The following SUPT6H variants were observed in gnomAD, a reference collection of about 807,000 sequenced individuals.
SUPT6H encodes the protein SPT6 homolog, histone chaperone and transcription elongation factor, also known as transcription elongation factor SPT6.
In SUPT6H, 11 loss-of-function variants were observed where a neutral mutation model predicts 222.3. The observed-to-expected ratio is 0.05, with a 90% CI of 0.03 to 0.08. SUPT6H has a LOEUF of 0.08. Ranked by LOEUF, SUPT6H falls within the 10% of genes least tolerant of loss-of-function variation. The probability of loss-of-function intolerance (pLI) is 1.00; values close to 1 mark genes in which losing one functional copy is unlikely to be tolerated. For synonymous variants in SUPT6H, 762 were observed against 801.2 expected (o/e 0.95, Z 0.83); for missense variants, 1,422 against 2,216.0 (o/e 0.64, Z 7.19).
At chr17:28,668,497 A>G (rs2030225082) in intron 1 of SUPT6H, among the ~76,000 whole-genome samples, 1 of 152,202 alleles carries the variant, frequency 6.6e-6, no homozygotes, top group South Asian at 2.1e-4. Context: ...GGCATTCCCC[A>G]GCTATAGCAT....
intron 17 of SUPT6H, 144 bp downstream of exon 17, chr17:28,683,960 C>G (rs979071218): frequency 2.1e-5 from 14 of 654,952 alleles, no homozygotes; most frequent in Non-Finnish European, 2.8e-5. Flanking sequence ...CTCAGCCTCC[C>G]GAGTACCTGG....
In SUPT6H at chr17:28,681,339, T is replaced by C; in HGVS notation, c.1433T>C (p.Met478Thr). 6.2e-7 allele frequency: 1 copy of C among 1,613,560 alleles called. No homozygotes were observed. The highest frequency in any genetic ancestry group is 8.5e-7 in the Non-Finnish European group (1 of 1,179,842). ...TATTATGGCCGAGACATCCCTAAGATGCAGAACGCCGCCAAAGCTAGCCGC... is the reference window on the plus strand; with the variant it reads ...TATTATGGCCGAGACATCCCTAAGACGCAGAACGCCGCCAAAGCTAGCCGC... Reference protein sequence around the residue: ...LLYYGRDIPKMQNAAKASRKK... With the variant: ...LLYYGRDIPKTQNAAKASRKK... The change falls in exon 12 of 37, where the codon ATG (methionine) becomes ACG (threonine). Residue 478 changes from methionine (M) to threonine (T), a missense_variant. Met to Thr is a moderately conservative substitution (Grantham distance 81). Around this residue, in one of 13 missense-constraint regions of SUPT6H, gnomAD observed 389 missense variants for 544.6 expected, o/e 0.71. Transcript: ENST00000314616.
rs1480361444 is a variant in SUPT6H, at chr17:28,683,724, A to G, written c.2137A>G (p.Ile713Val). ...QEWNRQRTMAIERALQQFLYV... is the reference protein window; with the variant it reads ...QEWNRQRTMAVERALQQFLYV... Reference sequence around the variant, plus strand: ...GTGGAACCGGCAGCGCACCATGGCCATCGAACGGGCTTTACAGCAGTTCCT... The same window carrying G: ...GTGGAACCGGCAGCGCACCATGGCCGTCGAACGGGCTTTACAGCAGTTCCT... Residue 713 changes from isoleucine to valine, a missense_variant, in exon 17 of 37, where the codon ATC becomes GTC. Physicochemically the swap from Ile to Val is conservative, Grantham distance 29. Around this residue, in one of 13 missense-constraint regions of SUPT6H, gnomAD observed 294 missense variants for 382.1 expected, o/e 0.77. Coordinates refer to ENST00000314616, the MANE Select transcript of SUPT6H (RefSeq NM_003170.5). The G allele has an allele frequency of 1.2e-6, 2 of 1,614,116 alleles. No individual in the cohort carries two copies. Among genetic ancestry groups the G allele is most frequent in the African/African-American group, 1.3e-5 (1 of 74,942 alleles).
Position 28,678,143 on chromosome 17 carries a change from T to A in SUPT6H, c.1067T>A (p.Ile356Asn). ...TTCAGTCGGAAAGGGCCCAGCACAATTCAGAAGATCAAAGAGGCCCTGGGC... is the reference window on the plus strand; with the variant it reads ...TTCAGTCGGAAAGGGCCCAGCACAAATCAGAAGATCAAAGAGGCCCTGGGC... ...SSFSRKGPST[I>N]QKIKEALGFM... Residue 356 changes from isoleucine to asparagine, a missense_variant, in exon 9 of 37, where the codon ATT becomes AAT. Ile to Asn is a moderately radical substitution (Grantham distance 149). This residue lies in a region of SUPT6H where 389 missense variants were observed against 544.6 expected (regional missense o/e 0.71). Transcript: ENST00000314616. 6.2e-7 allele frequency: 1 copy of A among 1,609,424 alleles called. No homozygotes were observed. Among genetic ancestry groups the A allele is most frequent in the East Asian group, 2.2e-5 (1 of 44,860 alleles).
chr17:28,692,029 A>G (rs1006477873), intron 27 of SUPT6H, among the ~76,000 whole-genome samples: 5 of 151,722 alleles, frequency 3.3e-5, no homozygotes, highest in African/African-American at 1.2e-4. Context: ...TTTTTTAAAA[A>G]AAGGGAGGGG....
At position 28,677,734 on chromosome 17, in the gene SUPT6H, A is replaced by G; in HGVS notation, c.917A>G (p.Lys306Arg). Residue 306 changes from lysine to arginine, a missense_variant, in exon 8 of 37, where the codon AAG (lysine) becomes AGG (arginine). Lys to Arg is a conservative substitution (Grantham distance 26). This residue lies in a region of SUPT6H where 389 missense variants were observed against 544.6 expected (regional missense o/e 0.71). Coordinates refer to ENST00000314616, the MANE Select transcript of SUPT6H (RefSeq NM_003170.5). ...ERFQLRSIPV[K>R]GAEDDELEEE... ...CTCCAGCTCCGCTCCATCCCAGTCA[A>G]GGGGGCTGAAGATGATGAACTAGAA... 6.2e-7 allele frequency: 1 copy of G among 1,614,206 alleles called. No individual in the cohort carries two copies. The highest frequency in any genetic ancestry group is 8.5e-7 in the Non-Finnish European group (1 of 1,180,020).
Position 28,675,559 on chromosome 17 carries a change from C to A in SUPT6H, c.623+74C>A. The A allele has an allele frequency of 3.3e-6, 5 of 1,523,836 alleles. No homozygotes were observed. In the Middle Eastern group the frequency reaches 5.3e-4, roughly 163 times the overall value. The allele number at this position is 1,523,836 out of a possible 1,614,324, so 94.4% of individuals were successfully genotyped here. A position where few individuals can be genotyped will look rare whatever the true frequency, so the allele number is the denominator to read the frequency against. On this transcript the variant is annotated intron_variant, in intron 6 of 36. Transcript: ENST00000314616. ...AGTCAGGAAGGAGGAGATCAGAGGC[C>A]TTTGCCAAAAATGGGGCATTCCCAG...
intron 24 of SUPT6H, chr17:28,689,148 C>T: frequency 3.6e-6 from 2 of 556,676 alleles, no homozygotes; most frequent in Non-Finnish European, 6.3e-6. Context: ...AGTGTTTTTG[C>T]AGTGCATTTT....
chr17:28,664,592 G>A (rs1168536780), intron 1 of SUPT6H, among the ~76,000 whole-genome samples: 1 of 152,166 alleles, frequency 6.6e-6, no homozygotes, highest in African/African-American at 2.4e-5. Context: ...CAGCCCCATG[G>A]CTTTAATTAC....
chr17:28,678,033 CA>C, intron 8 of SUPT6H, 42 bp from the exon 9 acceptor site: 6 of 1,574,478 alleles, frequency 3.8e-6, no homozygotes, highest in Non-Finnish European at 4.4e-6. Context: ...TAAGACAAAC[CA>C]AGTAAACATT....
At chr17:28,699,671 CTT>C (rs1299184484) in intron 32 of SUPT6H, 108 bp from the exon 33 acceptor site, 3 of 902,294 alleles carry the variant, frequency 3.3e-6, no homozygotes, top group Non-Finnish European at 5.6e-6. Flanking sequence ...GTCATCTCTC[CTT>C]TCCCCTAGCA....
chr17:28,698,629 C>G (rs983549437), intron 32 of SUPT6H, among the ~76,000 whole-genome samples: 5 of 152,244 alleles, frequency 3.3e-5, no homozygotes, highest in Admixed American at 6.5e-5. Context: ...GTCTGTGATA[C>G]AGACTGGTAA....
At chr17:28,691,449 C>T (rs939707473) in intron 27 of SUPT6H, 3 of 180,908 alleles carry the variant, frequency 1.7e-5, no homozygotes, top group Non-Finnish European at 2.4e-5. Flanking sequence ...TGACTTGAAC[C>T]GAGGAGGCGG....
chr17:28,681,065 C>A, intron 11 of SUPT6H, 191 bp from the exon 12 acceptor site: 1 of 584,060 alleles, frequency 1.7e-6, no homozygotes, highest in South Asian at 2.1e-5. Flanking sequence ...ATCATCCCAT[C>A]TCCAGTCTGG....
intron 32 of SUPT6H, 111 bp from the exon 33 acceptor site, chr17:28,699,665 TCTCTC>T: frequency 1.2e-6 from 1 of 847,584 alleles, no homozygotes; most frequent in Non-Finnish European, 2.1e-6. Context: ...GGCTGTGTCA[TCTCTC>T]CTTTCCCCTA....
At chr17:28,692,629 C>T (rs748716809) in intron 27 of SUPT6H, among the ~76,000 whole-genome samples, 10 of 147,684 alleles carry the variant, frequency 6.8e-5, no homozygotes, top group South Asian at 2.2e-4. Context: ...TTTCAGGGGC[C>T]GAGGCAGGTG....
intron 11 of SUPT6H, among the ~76,000 whole-genome samples, chr17:28,679,755 G>T (rs2030984774): frequency 6.6e-6 from 1 of 151,784 alleles, no homozygotes; most frequent in Non-Finnish European, 1.5e-5. Flanking sequence ...ACTTTGGGAA[G>T]CCAGGGCGGG....
chr17:28,687,065 T>C, intron 21 of SUPT6H, 23 bp from the exon 22 acceptor site: 2 of 1,610,966 alleles, frequency 1.2e-6, no homozygotes, highest in Non-Finnish European at 1.7e-6. Context: ...TTTAAGGCCC[T>C]GCTGACCCTC....
At position 28,697,850 on chromosome 17, in the gene SUPT6H, A is replaced by T; in HGVS notation, c.4324-56A>T. 3.1e-6 allele frequency: 5 copies of T among 1,608,244 alleles called. No individual in the cohort carries two copies. In the South Asian group the frequency reaches 5.5e-5, roughly 18 times the overall value. Reference sequence around the variant, plus strand: ...GAAGTGTACATCATGTGTGCACCAGACGTTGTGTACCAAGCATGCTGCTAT... The same window carrying T: ...GAAGTGTACATCATGTGTGCACCAGTCGTTGTGTACCAAGCATGCTGCTAT... On this transcript the variant is annotated intron_variant, in intron 31 of 36. Coordinates refer to ENST00000314616, the MANE Select transcript of SUPT6H (RefSeq NM_003170.5).
Sources: allele counts gnomAD v4.1 joint callset (sites outside exome capture counted in the v4.1 genomes callset), GRCh38; gene constraint gnomAD v4.1.1; regional missense constraint gnomAD v4.1.1; transcripts MANE v1.5; gene names NCBI Gene and HGNC (gene_info 2026-07-23, HGNC 2026-07-21).